The following BCAR3 variants were observed in gnomAD, a reference collection of about 807,000 sequenced individuals.
BCAR3 encodes the protein breast cancer anti-estrogen resistance protein 3.
BCAR3 carries 37 observed loss-of-function variants against 80.1 expected under a neutral mutation model. The ratio of observed to expected loss-of-function variants is 0.46; its 90% CI spans 0.36 to 0.61. The LOEUF is 0.61. BCAR3 is among the 20% of genes least tolerant of loss of function. The probability of loss-of-function intolerance (pLI) is 0.00; values close to 1 mark genes in which losing one functional copy is unlikely to be tolerated. For missense variants in BCAR3, 978 were observed against 1,068.2 expected (o/e 0.92, Z 1.18); for synonymous variants, 389 against 418.9 (o/e 0.93, Z 0.87).
intron 2 of BCAR3, among the ~76,000 whole-genome samples, chr1:93,663,513 C>G (rs930314312): frequency 6.6e-6 from 1 of 152,114 alleles, no homozygotes; most frequent in African/African-American, 2.4e-5. Flanking sequence ...GGTCAGAGGT[C>G]AGGAAAGGCA....
intron 3 of BCAR3, among the ~76,000 whole-genome samples, chr1:93,633,191 A>G (rs967452057): frequency 2.6e-5 from 4 of 152,118 alleles, no homozygotes; most frequent in Non-Finnish European, 5.9e-5. Flanking sequence ...CCAAATGGAC[A>G]TCTCCTTTCC....
At chr1:93,838,356 G>A (rs1654841999) in intron 2 of BCAR3, among the ~76,000 whole-genome samples, 1 of 152,152 alleles carries the variant, frequency 6.6e-6, no homozygotes, top group African/African-American at 2.4e-5. Context: ...CCACTCCCTG[G>A]AAACCAATCC....
chr1:93,596,033 A>G (rs1674407228), intron 3 of BCAR3, among the ~76,000 whole-genome samples: 1 of 152,206 alleles, frequency 6.6e-6, no homozygotes. Context: ...AATTCTAGCA[A>G]TTTAAGGTAA....
intron 2 of BCAR3, among the ~76,000 whole-genome samples, chr1:93,722,594 C>T (rs1390107436): frequency 1.3e-5 from 2 of 152,146 alleles, no homozygotes; most frequent in African/African-American, 4.8e-5. Flanking sequence ...CTTGCTTTCA[C>T]ACGAGACGTT....
At chr1:93,782,613 A>C (rs894079144) in intron 2 of BCAR3, among the ~76,000 whole-genome samples, 1 of 152,182 alleles carries the variant, frequency 6.6e-6, no homozygotes, top group Non-Finnish European at 1.5e-5. Context: ...GTTCATAAGG[A>C]CTGAGCAAAC....
chr1:93,753,969 G>T (rs762190966), intron 2 of BCAR3: 8 of 152,234 alleles, frequency 5.3e-5, no homozygotes, highest in Non-Finnish European at 1.0e-4. Flanking sequence ...AGTCACCTTT[G>T]GCAGGTGCCT....
intron 2 of BCAR3, among the ~76,000 whole-genome samples, chr1:93,670,046 CAT>C (rs1648133995): frequency 2.0e-5 from 3 of 152,098 alleles, no homozygotes; most frequent in Non-Finnish European, 2.9e-5. Flanking sequence ...AGAACTCACT[CAT>C]GTAACCAAAT....
chr1:93,637,690 T>C (rs1030299314), intron 3 of BCAR3, among the ~76,000 whole-genome samples: 2 of 152,200 alleles, frequency 1.3e-5, no homozygotes, highest in African/African-American at 2.4e-5. Context: ...TGATCCATCA[T>C]GACCTTGGTC....
intron 10 of BCAR3, 113 bp from the exon 11 acceptor site, chr1:93,567,604 A>C: frequency 2.1e-6 from 3 of 1,409,464 alleles, no homozygotes; most frequent in Non-Finnish European, 2.9e-6. Flanking sequence ...TCTACAAGCA[A>C]CGCTGTCATC....
intron 3 of BCAR3, among the ~76,000 whole-genome samples, chr1:93,621,862 G>GTTTTGT (rs367621093): frequency 0.021 from 3,131 of 152,022 alleles, 44 homozygotes; most frequent in Non-Finnish European, 0.033. Context: ...AGCCACATTG[G>GTTTTGT]TTTTGTTTTT....
chr1:93,721,138 G>C lies in BCAR3; in HGVS notation c.-62-14996C>G, dbSNP rs1265555296. ...AGACTGGAAGGGTGGCATCTAGGTG[G>C]GGCAGGAAGGAAGGGTAGGAAAGGT... On this transcript the variant is annotated intron_variant, in intron 2 of 13. Coordinates refer to the BCAR3 transcript ENST00000370244. Among the ~76,000 whole-genome samples the C allele has an allele frequency of 2.0e-5, 3 of 152,172 alleles. No individual in the cohort carries two copies. The East Asian group carries it at 5.8e-4, about 29-fold the overall frequency.
At position 93,562,103 on chromosome 1, in the gene BCAR3, C is replaced by G. The variant is rs1207439516; in HGVS notation, c.*138G>C. 2.4e-6 allele frequency: 2 copies of G among 819,796 alleles called. No individual in the cohort carries two copies. Among genetic ancestry groups the G allele is most frequent in the African/African-American group, 1.7e-5 (1 of 57,768 alleles). The allele number at this position is 819,796 out of a possible 1,614,324, so 50.8% of individuals were successfully genotyped here. On this transcript the variant is annotated 3_prime_UTR_variant, in exon 12 of 12. Coordinates refer to ENST00000260502, the MANE Select transcript of BCAR3 (RefSeq NM_003567.4). ...ATAAGTGTGCTCTGTGCAATTTACA[C>G]GTTTAATATCCTGTGGATACTAAAA...
intron 2 of BCAR3, among the ~76,000 whole-genome samples, chr1:93,654,085 C>A (rs906949460): frequency 1.8e-4 from 27 of 152,272 alleles, no homozygotes; most frequent in African/African-American, 6.3e-4. Flanking sequence ...GTTGGCCTGA[C>A]CCCAGCCACC....
intron 3 of BCAR3, among the ~76,000 whole-genome samples, chr1:93,703,110 G>A (rs2101974003): frequency 2.0e-5 from 3 of 152,340 alleles, no homozygotes; most frequent in Middle Eastern, 3.4e-3. Context: ...AATTGGAACT[G>A]TGATCAGGCC....
intron 2 of BCAR3, among the ~76,000 whole-genome samples, chr1:93,725,822 A>G (rs1650562987): frequency 6.6e-6 from 1 of 152,154 alleles, no homozygotes. Context: ...TTAACCACCA[A>G]TTATCATTAC....
intron 2 of BCAR3, among the ~76,000 whole-genome samples, chr1:93,718,547 C>G (rs906742789): frequency 2.0e-5 from 3 of 152,108 alleles, no homozygotes; most frequent in Non-Finnish European, 2.9e-5. Flanking sequence ...CCTCAATTTC[C>G]TCAACTATAA....
At chr1:93,595,975 C>A (rs1335467546) in intron 3 of BCAR3, among the ~76,000 whole-genome samples, 1 of 152,196 alleles carries the variant, frequency 6.6e-6, no homozygotes, top group East Asian at 1.9e-4. Context: ...GGAATGCAAG[C>A]ATTCTATTCA....
At chr1:93,813,886 T>C (rs576619848) in intron 2 of BCAR3, among the ~76,000 whole-genome samples, 2 of 152,356 alleles carry the variant, frequency 1.3e-5, no homozygotes, top group South Asian at 2.1e-4. Context: ...TTTAGCTGTA[T>C]GGCCCTCCTT....
rs561229792 is a variant in BCAR3 at position 93,693,332 on chromosome 1, G to A, written c.-12+12760C>T. 1.0e-3 allele frequency among the ~76,000 whole-genome samples: 152 copies of A among 152,332 alleles called. 2 individuals carry two copies. The South Asian group carries it at 0.021, about 21-fold the overall frequency. ...CAAAACCTTTCATACAGCTGTGAGA[G>A]GCAAACTTCTCAGTTGTCAGCATTT... is the stretch of plus-strand genomic sequence containing the variant. On this transcript the variant is annotated intron_variant, in intron 3 of 13. Coordinates refer to the BCAR3 transcript ENST00000370244.
Sources: gnomAD v4.1 joint callset for allele counts (sites outside exome capture counted in the v4.1 genomes callset) on GRCh38, gnomAD v4.1.1 for gene constraint, MANE v1.5 for transcripts, NCBI Gene and HGNC (gene_info 2026-07-23, HGNC 2026-07-21) for gene names.